Variants in EYA3 observed in about 807,000 individuals in gnomAD.
The protein encoded by EYA3 is EYA transcriptional coactivator and phosphatase 3.
EYA3 carries 39 observed loss-of-function variants against 80.0 expected under a neutral mutation model. The ratio of observed to expected loss-of-function variants is 0.49; its 90% confidence interval spans 0.38 to 0.64. The LOEUF (loss-of-function observed/expected upper bound fraction) is 0.64, where lower values mean the gene tolerates loss of function less well. Ranked by LOEUF, EYA3 falls within the 30% of genes least tolerant of loss-of-function variation. The pLI, the probability that EYA3 is intolerant of heterozygous loss-of-function variation, is 0.00. For missense variants in EYA3, 523 were observed against 676.1 expected, an observed-to-expected ratio of 0.77 and a Z score of 2.51; for synonymous variants, 206 against 232.8, an observed-to-expected ratio of 0.88 and a Z score of 1.05.
At chr1:28,078,413 A>C (rs1197768946) in intron 1 of EYA3, among the ~76,000 whole-genome samples, 2 of 152,226 alleles carry the variant, frequency 1.3e-5, no homozygotes, top group African/African-American at 2.4e-5. Context: ...AAATATACAG[A>C]ACTCATCATA....
intron 17 of EYA3, 78 bp from the exon 18 acceptor site, chr1:27,974,624 C>A: frequency 8.6e-7 from 1 of 1,165,762 alleles, no homozygotes; most frequent in Non-Finnish European, 1.3e-6. Context: ...ACTCTTTCCT[C>A]AACACACCTC....
intron 1 of EYA3, among the ~76,000 whole-genome samples, chr1:28,062,819 G>A (rs890350730): frequency 6.6e-6 from 1 of 151,998 alleles, no homozygotes; most frequent in East Asian, 1.9e-4. Context: ...TGGCCAACAT[G>A]GTCAAACTCT....
At position 27,974,370 on chromosome 1, in the gene EYA3, A is replaced by T; in HGVS notation, c.*96T>A. 2 of 829,540 alleles carry T rather than the reference A, an allele frequency of 2.4e-6. No homozygotes were observed. Among genetic ancestry groups the T allele is most frequent in the Non-Finnish European group, 3.9e-6 (2 of 508,154 alleles). The allele number at this position is 829,540 out of a possible 1,614,324, so 51.4% of individuals were successfully genotyped here. The stretch of plus-strand genomic sequence containing the variant: ...GAGAGAGATAGAGACAGAGACACAG[A>T]GAGAGACAGACAGAGAAAGTTCTCA... On this transcript the variant is annotated 3_prime_UTR_variant, in exon 18 of 18. Coordinates refer to ENST00000373871, the MANE Select transcript of EYA3 (RefSeq NM_001990.4).
At chr1:28,063,082 T>C (rs931607168) in intron 1 of EYA3, among the ~76,000 whole-genome samples, 1 of 151,254 alleles carries the variant, frequency 6.6e-6, no homozygotes, top group African/African-American at 2.4e-5. Context: ...TCACTCTTAA[T>C]TACAACTTCA....
chr1:28,081,239 A>G (rs545110676), intron 1 of EYA3, among the ~76,000 whole-genome samples: 1 of 152,296 alleles, frequency 6.6e-6, no homozygotes, highest in African/African-American at 2.4e-5. Context: ...CAGTTTATCT[A>G]CCTATTAAAT....
At chr1:28,059,250 T>C (rs1644534276) in intron 1 of EYA3, among the ~76,000 whole-genome samples, 1 of 152,222 alleles carries the variant, frequency 6.6e-6, no homozygotes, top group East Asian at 1.9e-4. Flanking sequence ...TGTCCAACTC[T>C]AACACAGCTT....
chr1:27,986,273 G>C (rs1639647132), intron 16 of EYA3, among the ~76,000 whole-genome samples: 1 of 151,864 alleles, frequency 6.6e-6, no homozygotes, highest in Non-Finnish European at 1.5e-5. Flanking sequence ...GCTGAGGCAA[G>C]AGAATCGCTT....
chr1:28,042,125 T>G (rs1643816294), intron 4 of EYA3, among the ~76,000 whole-genome samples: 1 of 152,200 alleles, frequency 6.6e-6, no homozygotes, highest in African/African-American at 2.4e-5. Flanking sequence ...ACAAGTATTC[T>G]AGATGATTCT....
chr1:27,993,861 C>T (rs1052281736), intron 13 of EYA3, among the ~76,000 whole-genome samples: 4 of 152,056 alleles, frequency 2.6e-5, no homozygotes, highest in East Asian at 1.9e-4. Context: ...AGAAAATAAC[C>T]ACACAGTGAA....
At chr1:27,987,871 GTTATT>G (rs1019573281) in intron 16 of EYA3, among the ~76,000 whole-genome samples, 13 of 152,050 alleles carry the variant, frequency 8.5e-5, no homozygotes, top group African/African-American at 3.1e-4. Flanking sequence ...GTCAATACCT[GTTATT>G]TTATTTAAGA....
intron 10 of EYA3, 130 bp downstream of exon 10, chr1:28,010,817 T>A: frequency 9.0e-7 from 1 of 1,113,956 alleles, no homozygotes; most frequent in Non-Finnish European, 1.3e-6. Context: ...CCAATTTAGT[T>A]TATTTTGCTC....
intron 8 of EYA3, among the ~76,000 whole-genome samples, chr1:28,016,136 A>C (rs940519338): frequency 1.3e-5 from 2 of 152,232 alleles, no homozygotes; most frequent in African/African-American, 4.8e-5. Context: ...CCACGTTCAA[A>C]GACAGGGTCA....
chr1:28,033,599 T>C (rs914102408), intron 6 of EYA3, among the ~76,000 whole-genome samples: 1 of 151,304 alleles, frequency 6.6e-6, no homozygotes, highest in African/African-American at 2.4e-5. Context: ...AAGGTTTTAA[T>C]AGAGATCTAT....
intron 11 of EYA3, among the ~76,000 whole-genome samples, chr1:28,002,538 T>C (rs190368961): frequency 6.6e-6 from 1 of 151,924 alleles, no homozygotes; most frequent in East Asian, 1.9e-4. Flanking sequence ...AGGCTGGGTA[T>C]AGAAGCTCAT....
rs577594520 is a variant in EYA3, at chr1:28,010,621, T to G, written c.909+326A>C. Among the ~76,000 whole-genome samples, 3 of 152,280 alleles carry G rather than the reference T, an allele frequency of 2.0e-5. No individual in the cohort carries two copies. The South Asian group carries it at 6.2e-4, about 32-fold the overall frequency. On this transcript the variant is annotated intron_variant, in intron 10 of 17. Coordinates refer to ENST00000373871, the MANE Select transcript of EYA3 (RefSeq NM_001990.4). ...GCTGGTCTCAAGCGATCCTCCCGCT[T>G]CAGCCTCCCAAAGTGCTGGGATTAC...
chr1:28,061,070 T>C (rs943423733), intron 1 of EYA3, among the ~76,000 whole-genome samples: 1 of 152,094 alleles, frequency 6.6e-6, no homozygotes, highest in African/African-American at 2.4e-5. Flanking sequence ...AAATAACTGG[T>C]CAATGACCAC....
chr1:28,003,276 C>A (rs982172980), intron 11 of EYA3, among the ~76,000 whole-genome samples: 15 of 66,230 alleles, frequency 2.3e-4, no homozygotes, highest in African/African-American at 8.7e-4. Context: ...TCTCAAACAA[C>A]AACAACAACA....
At chr1:28,078,691 T>C (rs1050098139) in intron 1 of EYA3, among the ~76,000 whole-genome samples, 8 of 152,182 alleles carry the variant, frequency 5.3e-5, no homozygotes, top group Non-Finnish European at 1.2e-4. Context: ...ATTATAGGCA[T>C]GCACCACCAT....
intron 17 of EYA3, chr1:27,977,097 C>T: frequency 1.0e-6 from 1 of 985,366 alleles, no homozygotes; most frequent in Non-Finnish European, 1.2e-6. Context: ...GTTCTCTCCC[C>T]CATACCCTTC....
Sources: allele counts gnomAD v4.1 joint callset (sites outside exome capture counted in the v4.1 genomes callset), GRCh38; gene constraint gnomAD v4.1.1; transcripts MANE v1.5; gene names NCBI Gene and HGNC (gene_info 2026-07-23, HGNC 2026-07-21).